The following RAB22A variants were observed in gnomAD, a reference collection of about 807,000 sequenced individuals.
RAB22A encodes RAB22A, member RAS oncogene family, also known as ras-related protein Rab-22A.
RAB22A carries 13 observed loss-of-function variants against 30.2 expected under a neutral mutation model. The observed-to-expected ratio is 0.43, with a 90% confidence interval of 0.28 to 0.68. The LOEUF (loss-of-function observed/expected upper bound fraction) is 0.68, where lower values mean the gene tolerates loss of function less well. Among genes scored for constraint, RAB22A ranks in the 30% least tolerant of loss-of-function variants. The pLI is 0.18. For synonymous variants in RAB22A, 89 were observed against 87.2 expected (o/e 1.02, Z -0.11); for missense variants, 177 against 246.8 (o/e 0.72, Z 1.89).
chr20:58,336,326 A>G (rs1464490844), intron 2 of RAB22A, among the ~76,000 whole-genome samples: 1 of 151,154 alleles, frequency 6.6e-6, no homozygotes, highest in Non-Finnish European at 1.5e-5. Flanking sequence ...GTTTTTTTTC[A>G]ATTATCCAGC....
chr20:58,356,477 A>C (rs1331099851), intron 6 of RAB22A, among the ~76,000 whole-genome samples: 1 of 152,240 alleles, frequency 6.6e-6, no homozygotes, highest in Non-Finnish European at 1.5e-5. Flanking sequence ...TCACTGGCTT[A>C]GTAAAACTGC....
At chr20:58,354,927 G>T (rs1987108272) in intron 6 of RAB22A, among the ~76,000 whole-genome samples, 1 of 152,150 alleles carries the variant, frequency 6.6e-6, no homozygotes, top group South Asian at 2.1e-4. Flanking sequence ...AAATAAATAG[G>T]ATCATTTCAG....
intron 6 of RAB22A, 24 bp downstream of exon 6, chr20:58,354,289 A>C (rs751844525): frequency 1.3e-6 from 2 of 1,531,858 alleles, no homozygotes; most frequent in African/African-American, 2.7e-5. Context: ...TGCCTTATCC[A>C]TTTCCTCTGT....
chr20:58,359,495 CTTT>C (rs3069388), intron 6 of RAB22A, 108 bp from the exon 7 acceptor site: 4,798 of 330,392 alleles, frequency 0.015, no homozygotes, highest in East Asian at 0.018. Flanking sequence ...GTTTATTAAA[CTTT>C]TTTTTTTTTT....
intron 3 of RAB22A, among the ~76,000 whole-genome samples, chr20:58,345,196 C>A (rs2122960824): frequency 6.6e-6 from 1 of 152,264 alleles, no homozygotes; most frequent in East Asian, 1.9e-4. Context: ...TACAGCAAAG[C>A]CCTCATCATA....
chr20:58,336,551 G>C (rs1490502500), intron 2 of RAB22A, among the ~76,000 whole-genome samples: 2 of 152,140 alleles, frequency 1.3e-5, no homozygotes, highest in Admixed American at 1.3e-4. Context: ...ACTAGTTCAT[G>C]AAACTGGTAG....
At chr20:58,341,096 G>C (rs533430774) in intron 2 of RAB22A, among the ~76,000 whole-genome samples, 1 of 152,332 alleles carries the variant, frequency 6.6e-6, no homozygotes, top group South Asian at 2.1e-4. Context: ...GTCACAGCAA[G>C]TATGAGTGGA....
At chr20:58,329,740 A>G (rs1431247018) in intron 2 of RAB22A, among the ~76,000 whole-genome samples, 1 of 152,130 alleles carries the variant, frequency 6.6e-6, no homozygotes, top group Non-Finnish European at 1.5e-5. Context: ...AAACTGCTAG[A>G]TATTATACCA....
At position 58,362,362 on chromosome 20, in the gene RAB22A, A is replaced by G. The variant is rs750055198; in HGVS notation, c.*2659A>G. On this transcript the variant is annotated 3_prime_UTR_variant, in exon 7 of 7. Transcript: ENST00000244040. ...TAAGCAATGATCTAATACACATTTC[A>G]TATTTTCTTTATAATAATTTCTTAT... The G allele has an allele frequency of 1.3e-5, 2 of 152,204 alleles. No individual in the cohort carries two copies. The highest frequency in any genetic ancestry group is 2.9e-5 in the Non-Finnish European group (2 of 68,046). 9.4% of individuals were successfully genotyped at this position (152,204 alleles called of 1,614,324 possible).
chr20:58,318,370 A>G (rs541140974), intron 2 of RAB22A, among the ~76,000 whole-genome samples: 1 of 152,272 alleles, frequency 6.6e-6, no homozygotes, highest in African/African-American at 2.4e-5. Flanking sequence ...TTTTTTCGTA[A>G]CATGCATGCA....
chr20:58,361,100 A>G lies in RAB22A; in HGVS notation c.*1397A>G, dbSNP rs1445316105. The G allele has an allele frequency of 6.6e-6, 1 of 152,636 alleles. No homozygotes were observed. Among genetic ancestry groups the G allele is most frequent in the African/African-American group, 2.4e-5 (1 of 41,450 alleles). 9.5% of individuals were successfully genotyped at this position (152,636 alleles called of 1,614,324 possible). On this transcript the variant is annotated 3_prime_UTR_variant, in exon 7 of 7. Transcript: ENST00000244040. ...CAGGGAGCCTAATGAGGTTTTTAAT[A>G]TCATCTAAAAATAAAGCATTGAAGT...
intron 2 of RAB22A, among the ~76,000 whole-genome samples, chr20:58,313,161 C>T (rs567130058): frequency 6.6e-6 from 1 of 152,078 alleles, no homozygotes; most frequent in Non-Finnish European, 1.5e-5. Flanking sequence ...GAGGCACGCC[C>T]CATCCTGAGT....
rs945328579 is a variant in RAB22A at position 58,362,479 on chromosome 20, C to T, written c.*2776C>T. 6.6e-6 allele frequency: 1 copy of T among 152,170 alleles called. No individual in the cohort carries two copies. The highest frequency in any genetic ancestry group is 2.4e-5 in the African/African-American group (1 of 41,438). 9.4% of individuals were successfully genotyped at this position (152,170 alleles called of 1,614,324 possible). ...ACGATACAGGGCCATTTTTTTAAAA[C>T]TCTCAGGACTGAACAGAAGAGAAAA... is the stretch of plus-strand genomic sequence containing the variant. On this transcript the variant is annotated 3_prime_UTR_variant, in exon 7 of 7. Transcript: ENST00000244040.
At chr20:58,317,838 G>A (rs565075558) in intron 2 of RAB22A, among the ~76,000 whole-genome samples, 5 of 149,308 alleles carry the variant, frequency 3.3e-5, no homozygotes, top group African/African-American at 9.9e-5. Context: ...GAACCACCAC[G>A]CCTGGCCTAT....
At position 58,363,588 on chromosome 20, in the gene RAB22A, C is replaced by G. The variant is rs1987265635; in HGVS notation, c.*3885C>G. The G allele has an allele frequency of 6.6e-6, 1 of 152,116 alleles. No individual in the cohort carries two copies. The highest frequency in any genetic ancestry group is 2.1e-4 in the South Asian group (1 of 4,826). 9.4% of individuals were successfully genotyped at this position (152,116 alleles called of 1,614,324 possible). On this transcript the variant is annotated 3_prime_UTR_variant, in exon 7 of 7. Coordinates refer to ENST00000244040, the MANE Select transcript of RAB22A (RefSeq NM_020673.3). ...TCTGTAATGAAAGTTCAGTGACAAA[C>G]TAGATAGTGAACCTGTGAAAGTCAT...
Position 58,341,249 on chromosome 20 carries a change from G to A in RAB22A, c.117-2469G>A, listed in dbSNP as rs899033791. 5.4e-4 allele frequency among the ~76,000 whole-genome samples: 82 copies of A among 152,200 alleles called. 1 individual carries two copies. Among genetic ancestry groups the A allele is most frequent in the African/African-American group, 2.0e-3 (81 of 41,454 alleles). On this transcript the variant is annotated intron_variant, in intron 2 of 6. Transcript: ENST00000244040. ...GCTGGAAGTGGTAGAGAACTGGAAA[G>A]GAGGAGAGAGAATGTGGGATAATTG...
chr20:58,312,472 CTTTTTTTTTTTTTTTTTTTTTT>C (rs58198236), intron 2 of RAB22A, among the ~76,000 whole-genome samples: 1 of 38,710 alleles, frequency 2.6e-5, no homozygotes, highest in Non-Finnish European at 4.4e-5. Flanking sequence ...GGCTGGTTTT[CTTTTTTTTTTTTTTTTTTTTTT>C]TTTTTTTTTT....
At chr20:58,344,820 G>A (rs978503945) in intron 3 of RAB22A, among the ~76,000 whole-genome samples, 1 of 152,332 alleles carries the variant, frequency 6.6e-6, no homozygotes, top group Admixed American at 6.5e-5. Context: ...TAGACTCCAT[G>A]CATTTGTACA....
intron 1 of RAB22A, 65 bp from the exon 2 acceptor site, chr20:58,310,978 A>G: frequency 1.5e-6 from 2 of 1,301,868 alleles, no homozygotes; most frequent in Admixed American, 1.7e-5. Context: ...TTATGCCACA[A>G]AGTAGTTTTT....
Sources: gnomAD v4.1 joint callset for allele counts (sites outside exome capture counted in the v4.1 genomes callset) on GRCh38, gnomAD v4.1.1 for gene constraint, MANE v1.5 for transcripts, NCBI Gene and HGNC (gene_info 2026-07-23, HGNC 2026-07-21) for gene names.